The following KHDC1 variants were observed in gnomAD, a reference collection of about 807,000 sequenced individuals.
KHDC1 encodes the protein KH domain containing 1.
A neutral mutation model predicts 24.7 loss-of-function variants in KHDC1; 21 were observed. The ratio of observed to expected loss-of-function variants is 0.85; its 90% confidence interval spans 0.60 to 1.23. The LOEUF (loss-of-function observed/expected upper bound fraction) is 1.23. Ranked by LOEUF, KHDC1 falls within the 50% of genes most tolerant of loss-of-function variation. The probability of loss-of-function intolerance (pLI) is 0.00; values close to 1 mark genes in which losing one functional copy is unlikely to be tolerated. For missense variants in KHDC1, 274 were observed against 298.5 expected, an observed-to-expected ratio of 0.92 and a Z score of 0.61; for synonymous variants, 98 against 111.7, an observed-to-expected ratio of 0.88 and a Z score of 0.77.
At chr6:73,302,038 C>T (rs181414041) in intron 1 of KHDC1, among the ~76,000 whole-genome samples, 1,556 of 152,220 alleles carry the variant, frequency 0.01, 16 homozygotes, top group Middle Eastern at 0.017. Context: ...ACCTGTAATT[C>T]CAGCACTTTG....
chr6:73,270,847 C>T (rs1027726597), intron 2 of KHDC1, among the ~76,000 whole-genome samples: 3 of 152,036 alleles, frequency 2.0e-5, no homozygotes, highest in African/African-American at 7.2e-5. Context: ...CGTGCCACCA[C>T]GCCTGGCTAA....
chr6:73,294,922 G>T (rs1582585781), intron 1 of KHDC1, among the ~76,000 whole-genome samples: 1 of 152,130 alleles, frequency 6.6e-6, no homozygotes, highest in South Asian at 2.1e-4. Context: ...GGGAAGCCAA[G>T]GTGGGCAGAT....
intron 2 of KHDC1, among the ~76,000 whole-genome samples, chr6:73,261,346 G>C (rs1766975822): frequency 6.6e-6 from 1 of 152,030 alleles, no homozygotes; most frequent in Non-Finnish European, 1.5e-5. Context: ...GAGAGGCTGA[G>C]GCACGAGAAT....
intron 2 of KHDC1, among the ~76,000 whole-genome samples, chr6:73,264,521 C>T (rs1223284884): frequency 6.6e-6 from 1 of 152,176 alleles, no homozygotes; most frequent in Non-Finnish European, 1.5e-5. Flanking sequence ...AACCCAGGAC[C>T]TGTGAGCAGG....
intron 2 of KHDC1, among the ~76,000 whole-genome samples, chr6:73,251,078 C>T (rs1166756389): frequency 1.8e-4 from 27 of 152,232 alleles, no homozygotes; most frequent in African/African-American, 5.5e-4. Flanking sequence ...CTGCCCGCCT[C>T]GGCCTCCCAA....
chr6:73,262,243 G>A (rs1766994395), intron 2 of KHDC1, among the ~76,000 whole-genome samples: 5 of 152,212 alleles, frequency 3.3e-5, no homozygotes, highest in Admixed American at 3.3e-4. Flanking sequence ...GGGCTGTGGT[G>A]AGAACTAGAG....
intron 2 of KHDC1, among the ~76,000 whole-genome samples, chr6:73,253,829 C>T (rs181222676): frequency 9.9e-5 from 15 of 152,116 alleles, no homozygotes; most frequent in African/African-American, 2.9e-4. Context: ...ATAACTGGAG[C>T]CCAGGAATTT....
intron 2 of KHDC1, among the ~76,000 whole-genome samples, chr6:73,281,032 A>C (rs1767394122): frequency 6.9e-6 from 1 of 144,696 alleles, no homozygotes; most frequent in South Asian, 2.2e-4. Context: ...AACATGGGGA[A>C]ACCCTGTCTC....
In KHDC1 at chr6:73,292,486, T is replaced by C. The variant is rs185330291; in HGVS notation, c.164-446A>G. Reference sequence around the variant, plus strand: ...GTTCACTCTGGGGAAAGCTGGCCTCTGAAATCTTAAAGCAGAATTGGGATG... The same window carrying C: ...GTTCACTCTGGGGAAAGCTGGCCTCCGAAATCTTAAAGCAGAATTGGGATG... On this transcript the variant is annotated intron_variant, in intron 1 of 4. Transcript: ENST00000370384. 2.0e-4 allele frequency: 156 copies of C among 771,382 alleles called. No homozygotes were observed. In the African/African-American group the frequency reaches 2.3e-3, roughly 11 times the overall value. 47.8% of individuals were successfully genotyped at this position (771,382 alleles called of 1,614,324 possible). A position where few individuals can be genotyped will look rare whatever the true frequency, so the allele number is the denominator to read the frequency against.
At chr6:73,298,560 C>T (rs1562260480) in intron 1 of KHDC1, among the ~76,000 whole-genome samples, 1 of 149,634 alleles carries the variant, frequency 6.7e-6, no homozygotes, top group East Asian at 2.0e-4. Context: ...CTCAGCCTCC[C>T]GAGTAGCTGG....
At chr6:73,261,666 C>A (rs1219611860) in intron 2 of KHDC1, among the ~76,000 whole-genome samples, 2 of 151,642 alleles carry the variant, frequency 1.3e-5, no homozygotes, top group African/African-American at 4.8e-5. Flanking sequence ...GTAATCCCAG[C>A]ACTTTGGGAG....
chr6:73,302,711 G>A (rs1767898066), intron 1 of KHDC1, among the ~76,000 whole-genome samples: 1 of 152,140 alleles, frequency 6.6e-6, no homozygotes. Context: ...GACCATTATT[G>A]TATTTGAGGC....
chr6:73,286,490 A>G (rs754679837), intron 2 of KHDC1, among the ~76,000 whole-genome samples: 10 of 152,222 alleles, frequency 6.6e-5, no homozygotes, highest in Non-Finnish European at 1.2e-4. Flanking sequence ...TCATTGATCA[A>G]CTAAGCACTG....
chr6:73,272,083 G>A (rs373385492), intron 2 of KHDC1, among the ~76,000 whole-genome samples: 42 of 151,418 alleles, frequency 2.8e-4, no homozygotes, highest in African/African-American at 9.4e-4. Flanking sequence ...TCATAGAAAA[G>A]CACAATTTGT....
chr6:73,273,554 C>G (rs1767219897), intron 2 of KHDC1, among the ~76,000 whole-genome samples: 1 of 152,104 alleles, frequency 6.6e-6, no homozygotes, highest in Non-Finnish European at 1.5e-5. Context: ...CAGTGGCTCA[C>G]GCCTGTAGTC....
chr6:73,284,995 C>T (rs1487254341), intron 2 of KHDC1, among the ~76,000 whole-genome samples: 1 of 151,968 alleles, frequency 6.6e-6, no homozygotes, highest in African/African-American at 2.4e-5. Context: ...CTGGCGCATG[C>T]CACCACACTT....
chr6:73,281,593 G>A (rs2150675439), intron 2 of KHDC1, among the ~76,000 whole-genome samples: 1 of 149,186 alleles, frequency 6.7e-6, no homozygotes, highest in Middle Eastern at 3.4e-3. Context: ...CTCCAGCCTG[G>A]GCAGTAAGAG....
At chr6:73,250,194 A>G (rs1766752519) in intron 2 of KHDC1, among the ~76,000 whole-genome samples, 1 of 152,164 alleles carries the variant, frequency 6.6e-6, no homozygotes, top group Non-Finnish European at 1.5e-5. Context: ...CAAAATATAG[A>G]AAAATAGAAC....
At chr6:73,243,062 G>C (rs765192234) in intron 2 of KHDC1, among the ~76,000 whole-genome samples, 3 of 152,192 alleles carry the variant, frequency 2.0e-5, no homozygotes, top group Non-Finnish European at 2.9e-5. Flanking sequence ...GTGAGTCTAA[G>C]GAGTGTTTAG....
Sources: gnomAD v4.1 joint callset for allele counts (sites outside exome capture counted in the v4.1 genomes callset) on GRCh38, gnomAD v4.1.1 for gene constraint, MANE v1.5 for transcripts, NCBI Gene and HGNC (gene_info 2026-07-23, HGNC 2026-07-21) for gene names.